GPHN: variants seen among roughly 807,000 people sequenced by gnomAD.
GPHN encodes the protein gephyrin.
A neutral mutation model predicts 95.5 loss-of-function variants in GPHN; 17 were observed. The ratio of observed to expected loss-of-function variants is 0.18; its 90% CI spans 0.12 to 0.27. The LOEUF (loss-of-function observed/expected upper bound fraction) is 0.27. GPHN is among the 10% of genes least tolerant of loss of function. The pLI is 1.00. For synonymous variants in GPHN, 320 were observed against 322.5 expected, an observed-to-expected ratio of 0.99 and a Z score of 0.08; for missense variants, 660 against 978.1, an observed-to-expected ratio of 0.67 and a Z score of 4.34.
the GPHN span, among the ~76,000 whole-genome samples, chr14:67,708,390 C>G: frequency 1.3e-5 from 2 of 152,078 alleles, no homozygotes; most frequent in African/African-American, 4.8e-5. Flanking sequence ...GTTACAATCT[C>G]CAAAGTTATC....
At chr14:66,648,242 A>G (rs545299265) in intron 1 of GPHN, among the ~76,000 whole-genome samples, 3 of 152,170 alleles carry the variant, frequency 2.0e-5, no homozygotes, top group Non-Finnish European at 2.9e-5. Context: ...AAAGATTACA[A>G]TATTTGCTCT....
chr14:67,495,327 C>T, the GPHN span, among the ~76,000 whole-genome samples: 3 of 152,226 alleles, frequency 2.0e-5, no homozygotes, highest in Non-Finnish European at 4.4e-5. Flanking sequence ...GGATCAACAA[C>T]CTTGCAGAAG....
intron 5 of GPHN, among the ~76,000 whole-genome samples, chr14:66,883,686 G>T (rs540230760): frequency 6.6e-6 from 1 of 152,162 alleles, no homozygotes; most frequent in South Asian, 2.1e-4. Context: ...ATCTGATTGG[G>T]TTCAGATTGT....
At chr14:67,223,980 G>A in the GPHN span, 1 of 984,810 alleles carries the variant, frequency 1.0e-6, no homozygotes, top group Non-Finnish European at 1.2e-6. Flanking sequence ...GCGGAAATCA[G>A]AATAATAACT....
At chr14:67,587,359 G>C in the GPHN span, 46 of 1,125,950 alleles carry the variant, frequency 4.1e-5, no homozygotes, top group Non-Finnish European at 5.8e-5. Context: ...TGTGAAATGT[G>C]TATTTTAGTC....
intron 16 of GPHN, among the ~76,000 whole-genome samples, chr14:67,118,586 G>A (rs1035007723): frequency 1.3e-5 from 2 of 152,036 alleles, no homozygotes; most frequent in Admixed American, 6.6e-5. Context: ...AAATTAGCCG[G>A]GTGTGGTGGC....
chr14:67,386,629 T>C, the GPHN span: 18 of 152,420 alleles, frequency 1.2e-4, 1 homozygote, highest in South Asian at 1.7e-3. Context: ...TGCCTTGATA[T>C]AAATCTTCCC....
intron 1 of GPHN, among the ~76,000 whole-genome samples, chr14:66,569,124 T>C (rs1233577997): frequency 6.6e-6 from 1 of 152,214 alleles, no homozygotes; most frequent in Non-Finnish European, 1.5e-5. Flanking sequence ...TACTTCTGTT[T>C]ATAGTTACAG....
chr14:66,588,692 G>A (rs1440965677), intron 1 of GPHN, among the ~76,000 whole-genome samples: 3 of 152,014 alleles, frequency 2.0e-5, no homozygotes, highest in Admixed American at 6.6e-5. Flanking sequence ...AGAGAAAAAA[G>A]AATGAAAAGG....
Position 66,516,288 on chromosome 14 carries a change from G to A in GPHN, c.64+7697G>A, listed in dbSNP as rs191897711. ...CTGCCTTAGCCTCCCAAAGTGCTGG[G>A]ATTACAGATGTGAGCCACCGTGCCT... On this transcript the variant is annotated intron_variant, in intron 1 of 22. Transcript: ENST00000478722. 9.8e-3 allele frequency among the ~76,000 whole-genome samples: 1,495 copies of A among 152,022 alleles called. 10 individuals are homozygous for A. The highest frequency in any genetic ancestry group is 0.015 in the Non-Finnish European group (1,036 of 67,958).
rs201203534 is a variant in GPHN, at chr14:66,659,044, C to CAAAA, written c.65-22063_65-22062insAAAA. Among the ~76,000 whole-genome samples, 180 of 151,664 alleles carry CAAAA rather than the reference C, an allele frequency of 1.2e-3. 9 individuals are homozygous for CAAAA. The East Asian group carries it at 0.018, about 15-fold the overall frequency. ...TTATGCTTATATTATTGATTTGAGA[C>CAAAA]TTTTACTGTTTTCAAAAAAATGCAC... On this transcript the variant is annotated intron_variant, in intron 1 of 22. Transcript: ENST00000478722.
the GPHN span, chr14:67,376,386 T>G: frequency 2.7e-6 from 4 of 1,496,914 alleles, no homozygotes; most frequent in Non-Finnish European, 3.6e-6. Context: ...TGTAAAAACA[T>G]TTTTTATAAA....
intron 1 of GPHN, among the ~76,000 whole-genome samples, chr14:66,552,739 G>C (rs1454305306): frequency 1.3e-5 from 2 of 152,088 alleles, no homozygotes; most frequent in Admixed American, 6.5e-5. Context: ...GTACTTTAAA[G>C]ATATCATTTT....
At chr14:66,700,172 A>G (rs1228637311) in intron 2 of GPHN, among the ~76,000 whole-genome samples, 2 of 152,206 alleles carry the variant, frequency 1.3e-5, no homozygotes, top group Non-Finnish European at 2.9e-5. Context: ...ATATTCAAAG[A>G]AAAATTGGTA....
intron 8 of GPHN, among the ~76,000 whole-genome samples, chr14:66,935,247 A>G (rs968985727): frequency 1.3e-5 from 2 of 152,190 alleles, no homozygotes; most frequent in African/African-American, 2.4e-5. Flanking sequence ...GAGATTTGTA[A>G]TAGGAAATCT....
the GPHN span, among the ~76,000 whole-genome samples, chr14:67,721,785 A>T: frequency 1.3e-5 from 2 of 150,344 alleles, no homozygotes; most frequent in African/African-American, 2.4e-5. Context: ...TATATATATA[A>T]AACCATATAT....
At chr14:66,747,885 ATTAT>A (rs1294806316) in intron 2 of GPHN, among the ~76,000 whole-genome samples, 1 of 152,098 alleles carries the variant, frequency 6.6e-6, no homozygotes, top group Non-Finnish European at 1.5e-5. Context: ...TAAATGCCAA[ATTAT>A]TTACTTAGGT....
chr14:67,628,832 A>T, the GPHN span, among the ~76,000 whole-genome samples: 1 of 152,212 alleles, frequency 6.6e-6, no homozygotes, highest in Non-Finnish European at 1.5e-5. Flanking sequence ...TCCTCTAAAA[A>T]TTAAAAATAG....
At chr14:67,511,335 G>A in the GPHN span, among the ~76,000 whole-genome samples, 1 of 134,982 alleles carries the variant, frequency 7.4e-6, no homozygotes, top group Non-Finnish European at 1.7e-5. Context: ...ATTGACAGCT[G>A]AAGTCTTATT....
Sources: allele counts gnomAD v4.1 joint callset (sites outside exome capture counted in the v4.1 genomes callset), GRCh38; gene constraint gnomAD v4.1.1; transcripts MANE v1.5; gene names NCBI Gene and HGNC (gene_info 2026-07-23, HGNC 2026-07-21).